The following TUT4 variants were observed in gnomAD, a reference collection of about 807,000 sequenced individuals.
TUT4 encodes the protein terminal uridylyltransferase 4.
Under a neutral mutation model 192.2 loss-of-function variants are expected in TUT4, and 36 were observed. The observed-to-expected ratio is 0.19, with a 90% confidence interval of 0.14 to 0.25. TUT4 has a LOEUF of 0.25. Among genes scored for constraint, TUT4 ranks in the 10% least tolerant of loss-of-function variants. The pLI, the probability that TUT4 is intolerant of heterozygous loss-of-function variation, is 1.00. For missense variants in TUT4, 1,493 were observed against 1,957.2 expected, an observed-to-expected ratio of 0.76 and a Z score of 4.47; for synonymous variants, 618 against 666.0, an observed-to-expected ratio of 0.93 and a Z score of 1.11.
At chr1:52,525,448 G>A in intron 2 of TUT4, 115 bp downstream of exon 2, 2 of 1,333,358 alleles carry the variant, frequency 1.5e-6, no homozygotes, top group South Asian at 1.6e-5. Context: ...TTTCATACGG[G>A]AACAAAAGTG....
intron 20 of TUT4, among the ~76,000 whole-genome samples, chr1:52,451,090 C>T (rs111353761): frequency 0.03 from 4,492 of 151,858 alleles, 99 homozygotes; most frequent in Non-Finnish European, 0.044. Context: ...ACGGTGAAAC[C>T]CCATCTCTAC....
At position 52,521,583 on chromosome 1, in the gene TUT4, T is replaced by G. The variant is rs1488341112; in HGVS notation, c.718+3980A>C. Among the ~76,000 whole-genome samples the G allele has an allele frequency of 2.0e-5, 3 of 151,978 alleles. 1 individual carries two copies. Among genetic ancestry groups the G allele is most frequent in the Non-Finnish European group, 2.9e-5 (2 of 67,990 alleles). The stretch of plus-strand genomic sequence containing the variant: ...AGGAGGCTGAAGGACAAGAATCACT[T>G]AAGCCCAGGAGGTAGAAGTTACAGT... On this transcript the variant is annotated intron_variant, in intron 2 of 29. Coordinates refer to ENST00000257177, the MANE Select transcript of TUT4 (RefSeq NM_001009881.3).
At chr1:52,551,621 T>C (rs1465376549) in intron 1 of TUT4, among the ~76,000 whole-genome samples, 3 of 152,248 alleles carry the variant, frequency 2.0e-5, no homozygotes, top group Non-Finnish European at 4.4e-5. Flanking sequence ...TAATCAGTAC[T>C]ACGATGCAGT....
In TUT4 at chr1:52,475,173, C is replaced by G; in HGVS notation, c.2386G>C (p.Asp796His). 2 of 1,614,060 alleles carry G rather than the reference C, an allele frequency of 1.2e-6. No homozygotes were observed. The highest frequency in any genetic ancestry group is 1.7e-5 in the Admixed American group (1 of 60,014). ...TTGCTGGTAGAAAGAGATGAAGAGTCCTGTCCGTGGTCAGCAAAATCTAGT... is the reference window on the plus strand; with the variant it reads ...TTGCTGGTAGAAAGAGATGAAGAGTGCTGTCCGTGGTCAGCAAAATCTAGT... ...NELDFADHGQ[D>H]SSSLSTSKSS... is the part of the protein sequence containing the mutation. The change falls in exon 13 of 30, where the codon GAC becomes CAC. Residue 796 changes from aspartate (D) to histidine (H), a missense_variant. Transcript: ENST00000257177.
rs1666824319 is a variant in TUT4, at chr1:52,475,414, T to G, written c.2145A>C (p.Gly715=). 1.2e-6 allele frequency: 2 copies of G among 1,614,004 alleles called. No individual in the cohort carries two copies. The highest frequency in any genetic ancestry group is 2.7e-5 in the African/African-American group (2 of 74,922). ...RYFACPQTKG[G]NKSTVDFKKR... is the part of the protein sequence containing the mutation. The stretch of plus-strand genomic sequence containing the variant: ...TCTTGAAATCCACTGTAGACTTATT[T>G]CCACCCTTCGTCTGAGGACAGGCAA... Residue 715 remains glycine (G), a synonymous_variant, in exon 13 of 30, where the codon GGA becomes GGC. Transcript: ENST00000257177.
chr1:52,432,093 T>C (rs1245499874), intron 27 of TUT4: 1 of 152,350 alleles, frequency 6.6e-6, no homozygotes, highest in Middle Eastern at 3.4e-3. Context: ...TACTGTACTT[T>C]CCAACCACAA....
chr1:52,550,564 G>A (rs576528504), intron 1 of TUT4, among the ~76,000 whole-genome samples: 3 of 148,056 alleles, frequency 2.0e-5, no homozygotes, highest in Non-Finnish European at 3.0e-5. Context: ...GTACAGTGGC[G>A]CAACTGTGCC....
Position 52,515,979 on chromosome 1 carries a change from T to A in TUT4, c.794A>T (p.Asp265Val). 2.5e-6 allele frequency: 4 copies of A among 1,613,664 alleles called. No homozygotes were observed. Among genetic ancestry groups the A allele is most frequent in the Non-Finnish European group, 3.4e-6 (4 of 1,179,886 alleles). The change falls in exon 3 of 30, where the codon GAT (aspartate) becomes GTT (valine). Residue 265 changes from aspartate to valine, a missense_variant. By Grantham distance (152) the Asp-to-Val change is radical. Around this residue, in one of 7 missense-constraint regions of TUT4, gnomAD observed 437 missense variants for 577.6 expected, o/e 0.76. Transcript: ENST00000257177. Reference protein sequence around the residue: ...MDYLENATVIDESALTPEQRL... With the variant: ...MDYLENATVIVESALTPEQRL... Reference sequence around the variant, plus strand: ...CTGCTCAGGTGTCAATGCAGATTCATCTATCACAGTGGCATTTTCTAAGTA... The same window carrying A: ...CTGCTCAGGTGTCAATGCAGATTCAACTATCACAGTGGCATTTTCTAAGTA...
intron 2 of TUT4, among the ~76,000 whole-genome samples, chr1:52,523,898 G>A (rs1314999811): frequency 6.6e-6 from 1 of 152,064 alleles, no homozygotes; most frequent in East Asian, 1.9e-4. Flanking sequence ...GTTTCTCAAA[G>A]TGTGGCAAAT....
chr1:52,500,700 T>G lies in TUT4; in HGVS notation c.1000-3517A>C, dbSNP rs563424857. ...CTGCTTGAACTCAGGAGGCGGAGGT[T>G]GCAATGAGCCGAGATTGTGCCATTG... On this transcript the variant is annotated intron_variant, in intron 4 of 29. Coordinates refer to ENST00000257177, the MANE Select transcript of TUT4 (RefSeq NM_001009881.3). Among the ~76,000 whole-genome samples, 8 of 152,168 alleles carry G rather than the reference T, an allele frequency of 5.3e-5. No homozygotes were observed. In the East Asian group the frequency reaches 1.5e-3, roughly 29 times the overall value.
intron 20 of TUT4, among the ~76,000 whole-genome samples, chr1:52,451,967 G>A (rs1330270857): frequency 1.3e-5 from 2 of 151,846 alleles, no homozygotes; most frequent in Non-Finnish European, 2.9e-5. Flanking sequence ...GAAAGCACTA[G>A]GCCTAGATGG....
intron 13 of TUT4, among the ~76,000 whole-genome samples, chr1:52,473,238 A>G (rs1217407553): frequency 6.6e-6 from 1 of 152,186 alleles, no homozygotes; most frequent in Non-Finnish European, 1.5e-5. Context: ...GTATATTTAC[A>G]TAGAATGAAG....
At chr1:52,463,423 A>G (rs1663165537) in intron 16 of TUT4, 2 of 1,016,982 alleles carry the variant, frequency 2.0e-6, no homozygotes, top group Non-Finnish European at 2.4e-6. Flanking sequence ...GCAACTTCTT[A>G]TGGCCAGAAG....
At chr1:52,528,511 A>C (rs916502315) in intron 1 of TUT4, among the ~76,000 whole-genome samples, 2 of 150,472 alleles carry the variant, frequency 1.3e-5, no homozygotes, top group Non-Finnish European at 3.0e-5. Flanking sequence ...AAAAAAAGTG[A>C]TTTTATTAAA....
rs753559849 is a variant in TUT4 at position 52,431,468 on chromosome 1, C to CA, written c.4264-9dup. 4.0e-4 allele frequency: 562 copies of CA among 1,410,822 alleles called. No homozygotes were observed. The highest frequency in any genetic ancestry group is 9.0e-4 in the South Asian group (56 of 62,254). 87.4% of individuals were successfully genotyped at this position (1,410,822 alleles called of 1,614,324 possible). Reference sequence around the variant, plus strand: ...ATAAGATGGTGATTCAGACTGCAGACAAAAAAAAAATTTTTTTTAATTAAT... The same window carrying CA: ...ATAAGATGGTGATTCAGACTGCAGACAAAAAAAAAAATTTTTTTTAATTAAT... On this transcript the variant is annotated splice_polypyrimidine_tract_variant and intron_variant, in intron 27 of 29. Coordinates refer to ENST00000257177, the MANE Select transcript of TUT4 (RefSeq NM_001009881.3).
At chr1:52,473,986 C>G (rs1002628049) in intron 13 of TUT4, among the ~76,000 whole-genome samples, 3 of 152,226 alleles carry the variant, frequency 2.0e-5, no homozygotes, top group African/African-American at 7.2e-5. Flanking sequence ...GCAGGCGGAT[C>G]ACTTGAGCTC....
At chr1:52,538,215 G>C (rs543998796) in intron 1 of TUT4, among the ~76,000 whole-genome samples, 2 of 152,066 alleles carry the variant, frequency 1.3e-5, no homozygotes, top group East Asian at 3.9e-4. Context: ...CAACCTGAGC[G>C]AAAGAGCAAG....
intron 2 of TUT4, among the ~76,000 whole-genome samples, chr1:52,518,765 C>T (rs1490788041): frequency 6.6e-6 from 1 of 152,108 alleles, no homozygotes; most frequent in Non-Finnish European, 1.5e-5. Flanking sequence ...TAGGCAAATA[C>T]ATAGAAACAG....
At chr1:52,430,097 T>TA (rs1651568892) in intron 28 of TUT4, among the ~76,000 whole-genome samples, 1 of 152,252 alleles carries the variant, frequency 6.6e-6, no homozygotes, top group South Asian at 2.1e-4. Flanking sequence ...ATTGAGATGA[T>TA]AGATGATTTA....
Sources: gnomAD v4.1 joint callset for allele counts (sites outside exome capture counted in the v4.1 genomes callset) on GRCh38, gnomAD v4.1.1 for gene constraint, gnomAD v4.1.1 regional missense constraint, MANE v1.5 for transcripts, NCBI Gene and HGNC (gene_info 2026-07-23, HGNC 2026-07-21) for gene names.